NEBL: variants seen among roughly 807,000 people sequenced by gnomAD.
NEBL encodes LIM and SH3 protein 2.
A neutral mutation model predicts 140.2 loss-of-function variants in NEBL; 122 were observed. The observed-to-expected ratio is 0.87, with a 90% CI of 0.75 to 1.01. The LOEUF (loss-of-function observed/expected upper bound fraction) is 1.01, where lower values mean the gene tolerates loss of function less well. Ranked by LOEUF, NEBL falls within the 50% of genes least tolerant of loss-of-function variation. The probability of loss-of-function intolerance (pLI) is 0.00; values close to 1 mark genes in which losing one functional copy is unlikely to be tolerated. For missense variants in NEBL, 1,365 were observed against 1,231.3 expected (o/e 1.11, Z -1.62); for synonymous variants, 436 against 398.9 (o/e 1.09, Z -1.11).
intron 3 of NEBL, among the ~76,000 whole-genome samples, chr10:21,187,203 T>C (rs1457225353): frequency 6.6e-6 from 1 of 152,048 alleles, no homozygotes. Context: ...CCTTCCACCA[T>C]GATTATAAGT....
Position 21,275,484 on chromosome 10 carries a change from G to A in NEBL, n.182+17346C>T, listed in dbSNP as rs561571718. Among the ~76,000 whole-genome samples the A allele has an allele frequency of 2.6e-5, 4 of 152,236 alleles. No individual in the cohort carries two copies. In the East Asian group the frequency reaches 5.8e-4, roughly 22 times the overall value. ...CGAGTGGTGCAGAGTGCCCACTCAC[G>A]AAACCCACTTTGCAGGTTTTCCTCC... is the stretch of plus-strand genomic sequence containing the variant. On this transcript the variant is annotated intron_variant and non_coding_transcript_variant, in intron 1 of 8. Transcript: ENST00000675702.
intron 3 of NEBL, among the ~76,000 whole-genome samples, chr10:21,182,458 A>C (rs1046242799): frequency 6.6e-6 from 1 of 152,248 alleles, no homozygotes; most frequent in Admixed American, 6.5e-5. Flanking sequence ...CCTGGACAAC[A>C]GAAACAGACC....
chr10:21,245,463 G>A (rs1198726918), intron 3 of NEBL, among the ~76,000 whole-genome samples: 1 of 152,144 alleles, frequency 6.6e-6, no homozygotes, highest in Non-Finnish European at 1.5e-5. Context: ...GCCCCGGTAG[G>A]GAAGTAGGGA....
Position 20,835,627 on chromosome 10 carries a change from C to A in NEBL, c.1339-4G>T. On this transcript the variant is annotated splice_region_variant and splice_polypyrimidine_tract_variant and intron_variant, in intron 13 of 27. Coordinates refer to ENST00000377122, the MANE Select transcript of NEBL (RefSeq NM_006393.3). ...CCAGGTCTTTCTTGTATTCTTTCTGCAAAAGACAACATTTTACAACATTCA... is the reference window on the plus strand; with the variant it reads ...CCAGGTCTTTCTTGTATTCTTTCTGAAAAAGACAACATTTTACAACATTCA... 6.3e-7 allele frequency: 1 copy of A among 1,576,220 alleles called. No individual in the cohort carries two copies. The highest frequency in any genetic ancestry group is 8.7e-7 in the Non-Finnish European group (1 of 1,148,922).
chr10:20,923,278 C>T (rs971910808), intron 4 of NEBL, among the ~76,000 whole-genome samples: 11 of 152,062 alleles, frequency 7.2e-5, no homozygotes, highest in South Asian at 2.1e-4. Flanking sequence ...ATGTTGCCCA[C>T]GCTGGTCTCA....
chr10:21,064,032 A>G (rs921613157), intron 2 of NEBL, among the ~76,000 whole-genome samples: 3 of 152,094 alleles, frequency 2.0e-5, no homozygotes, highest in Non-Finnish European at 4.4e-5. Context: ...AGATCGCGCC[A>G]CTGTACTCCA....
At chr10:21,072,208 T>C (rs1212456985) in intron 2 of NEBL, among the ~76,000 whole-genome samples, 1 of 152,108 alleles carries the variant, frequency 6.6e-6, no homozygotes, top group African/African-American at 2.4e-5. Context: ...TCTCCTTGGC[T>C]TACAGACAGG....
In NEBL at chr10:20,831,490, A is replaced by T. The variant is rs990217100; in HGVS notation, c.1543T>A (p.Ser515Thr). ...TGTCTTACCTGGCTGGCCATCTCGG[A>T]TGCTTTCTTAGCTCTCTGGACATCA... is the stretch of plus-strand genomic sequence containing the variant. ...TLDVQRAKKA[S>T]EMASQKQYKK... Residue 515 changes from serine to threonine, a missense_variant, in exon 15 of 28, where the codon TCC (serine) becomes ACC (threonine). Ser to Thr is a moderately conservative substitution (Grantham distance 58, BLOSUM62 1). Transcript: ENST00000377122. 1.9e-6 allele frequency: 3 copies of T among 1,610,478 alleles called. No homozygotes were observed. In the African/African-American group the frequency reaches 4.0e-5, roughly 22 times the overall value.
rs375569591 is a variant in NEBL, at chr10:20,845,280, T to G, written c.1205A>C (p.Tyr402Ser). 83 of 1,586,598 alleles carry G rather than the reference T, an allele frequency of 5.2e-5. No homozygotes were observed. Among genetic ancestry groups the G allele is most frequent in the Non-Finnish European group, 5.6e-5 (65 of 1,155,428 alleles). Residue 402 changes from tyrosine to serine, a missense_variant, in exon 12 of 28, where the codon TAC becomes TCC. Coordinates refer to ENST00000377122, the MANE Select transcript of NEBL (RefSeq NM_006393.3). The stretch of plus-strand genomic sequence containing the variant: ...TACCTCCCTCAGAAGGTTGGTGATG[T>G]ACTTTACATGTAAAAATTCTGGAGT... ...DKTPEFLHVK[Y>S]ITNLLREKEY...
At chr10:20,803,896 C>A (rs1191377947) in intron 26 of NEBL, among the ~76,000 whole-genome samples, 1 of 150,008 alleles carries the variant, frequency 6.7e-6, no homozygotes, top group Non-Finnish European at 1.5e-5. Context: ...GCTTTAATGT[C>A]ATTGAAACAT....
At chr10:20,904,034 C>G (rs1847985201) in intron 4 of NEBL, among the ~76,000 whole-genome samples, 1 of 115,524 alleles carries the variant, frequency 8.7e-6, no homozygotes, top group Non-Finnish European at 2.0e-5. Context: ...TTTAAGATGT[C>G]ATAGCAAGAG....
intron 3 of NEBL, among the ~76,000 whole-genome samples, chr10:21,216,456 C>T (rs12356644): frequency 0.12 from 17,729 of 152,076 alleles, 1,487 homozygotes; most frequent in African/African-American, 0.24. Flanking sequence ...GAGTTCAAGA[C>T]CAGCCTGGCC....
chr10:20,789,040 G>A (rs1432732084), intron 26 of NEBL, among the ~76,000 whole-genome samples: 3 of 152,158 alleles, frequency 2.0e-5, no homozygotes, highest in African/African-American at 7.2e-5. Flanking sequence ...GGCATGCCAG[G>A]AAGAAAAGGG....
At chr10:20,965,350 C>T (rs1192645563) in intron 3 of NEBL, among the ~76,000 whole-genome samples, 3 of 152,152 alleles carry the variant, frequency 2.0e-5, no homozygotes, top group African/African-American at 7.2e-5. Context: ...GCAGTCTGCC[C>T]TTCTAGACAG....
chr10:20,862,092 A>G (rs997399547), intron 7 of NEBL, among the ~76,000 whole-genome samples: 1 of 152,184 alleles, frequency 6.6e-6, no homozygotes, highest in Non-Finnish European at 1.5e-5. Flanking sequence ...TTATATGGGT[A>G]CTTGAAGTAT....
At chr10:21,233,052 C>T (rs11592695) in intron 3 of NEBL, among the ~76,000 whole-genome samples, 6,127 of 152,220 alleles carry the variant, frequency 0.04, 189 homozygotes, top group South Asian at 0.14. Flanking sequence ...CTTTTCCTAT[C>T]TTAGGTTCAA....
At chr10:20,840,290 G>T (rs996276422) in intron 13 of NEBL, among the ~76,000 whole-genome samples, 1 of 152,232 alleles carries the variant, frequency 6.6e-6, no homozygotes, top group South Asian at 2.1e-4. Flanking sequence ...CTTATAAAGT[G>T]CATGAAAAGT....
intron 4 of NEBL, among the ~76,000 whole-genome samples, chr10:20,915,404 C>T (rs571262224): frequency 3.4e-5 from 5 of 145,642 alleles, no homozygotes; most frequent in Non-Finnish European, 7.5e-5. Context: ...ATCCCTCCCC[C>T]CTCCCCCTAC....
At chr10:20,814,471 G>A (rs61509314) in intron 22 of NEBL, among the ~76,000 whole-genome samples, 6 of 151,644 alleles carry the variant, frequency 4.0e-5, no homozygotes, top group African/African-American at 7.3e-5. Flanking sequence ...TTAGTTGGGC[G>A]TGTGCCTGTA....
Sources: allele counts gnomAD v4.1 joint callset (sites outside exome capture counted in the v4.1 genomes callset), GRCh38; gene constraint gnomAD v4.1.1; transcripts MANE v1.5; gene names NCBI Gene and HGNC (gene_info 2026-07-23, HGNC 2026-07-21).